Variants in SPC25 observed in about 807,000 individuals in gnomAD.
SPC25 encodes SPC25 component of NDC80 kinetochore complex, also known as kinetochore protein Spc25.
In SPC25, 22 loss-of-function variants were observed where a neutral mutation model predicts 29.6. The observed-to-expected ratio is 0.74, with a 90% CI of 0.53 to 1.06. SPC25 has a LOEUF of 1.06. SPC25 is among the 50% of genes least tolerant of loss of function. The probability of loss-of-function intolerance (pLI) is 0.00; values close to 1 mark genes in which losing one functional copy is unlikely to be tolerated. For missense variants in SPC25, 230 were observed against 255.8 expected (o/e 0.90, Z 0.69); for synonymous variants, 91 against 90.4 (o/e 1.01, Z -0.04).
chr2:168,872,766 A>G (rs1690017188), intron 6 of SPC25, among the ~76,000 whole-genome samples: 1 of 152,198 alleles, frequency 6.6e-6, no homozygotes, highest in Non-Finnish European at 1.5e-5. Flanking sequence ...GAAGATATTT[A>G]TCTAGAGAGA....
rs568929127 is a variant in SPC25, at chr2:168,877,179, A to C, written c.346+59T>G. On this transcript the variant is annotated intron_variant, in intron 4 of 6. Coordinates refer to ENST00000282074, the MANE Select transcript of SPC25 (RefSeq NM_020675.4). ...CTGGAACAGGCAAGATGTACTTAAT[A>C]AAGGTGAACCGTCACCACTTTCCAT... 1.1e-4 allele frequency: 181 copies of C among 1,576,086 alleles called. No individual in the cohort carries two copies. The African/African-American group carries it at 2.1e-3, about 18-fold the overall frequency.
intron 3 of SPC25, among the ~76,000 whole-genome samples, chr2:168,886,524 C>T (rs1690265449): frequency 1.4e-5 from 2 of 143,928 alleles, no homozygotes; most frequent in African/African-American, 2.5e-5. Context: ...AAACTGATTT[C>T]TTTTTTTTTT....
chr2:168,865,075 G>A (rs1689781365), intron 4 of SPC25: 2 of 1,260,030 alleles, frequency 1.6e-6, no homozygotes, highest in South Asian at 2.8e-5. Context: ...CTTTTGAAAT[G>A]GATGGAGTTC....
chr2:168,863,936 A>C (rs1439280635), intron 4 of SPC25, among the ~76,000 whole-genome samples: 1 of 151,806 alleles, frequency 6.6e-6, no homozygotes, highest in African/African-American at 2.4e-5. Flanking sequence ...TTTGAGGCAG[A>C]GTCTTGCTCT....
intron 4 of SPC25, among the ~76,000 whole-genome samples, chr2:168,862,718 C>G (rs983639751): frequency 6.6e-6 from 1 of 152,040 alleles, no homozygotes; most frequent in African/African-American, 2.4e-5. Flanking sequence ...ATAATGTAAA[C>G]CACAACATTA....
At chr2:168,863,693 T>A in intron 4 of SPC25, 1 of 972,328 alleles carries the variant, frequency 1.0e-6, no homozygotes, top group Non-Finnish European at 1.2e-6. Flanking sequence ...ACTTTTGGCC[T>A]GTGAAATCAG....
intron 6 of SPC25, among the ~76,000 whole-genome samples, chr2:168,872,714 T>C (rs1690016406): frequency 6.6e-6 from 1 of 151,998 alleles, no homozygotes; most frequent in African/African-American, 2.4e-5. Flanking sequence ...AAATAAGAGG[T>C]TTTTGGGGCT....
At chr2:168,862,542 GTGTA>G (rs1398298158) in intron 4 of SPC25, among the ~76,000 whole-genome samples, 4 of 127,258 alleles carry the variant, frequency 3.1e-5, no homozygotes, top group Non-Finnish European at 7.4e-5. Context: ...TCTCAACTTA[GTGTA>G]AGTAAGTGCA....
intron 1 of SPC25, 73 bp from the exon 2 acceptor site, chr2:168,889,606 C>T: frequency 6.8e-7 from 1 of 1,464,730 alleles, no homozygotes; most frequent in Non-Finnish European, 9.1e-7. Context: ...ATCGGGTATA[C>T]AGTATTTTGG....
chr2:168,876,543 T>A (rs1316040922), intron 4 of SPC25, among the ~76,000 whole-genome samples: 1 of 151,854 alleles, frequency 6.6e-6, no homozygotes, highest in Non-Finnish European at 1.5e-5. Flanking sequence ...TTCTCTTCCT[T>A]TAACATAACT....
intron 3 of SPC25, among the ~76,000 whole-genome samples, chr2:168,880,748 A>C (rs570905301): frequency 1.3e-5 from 2 of 152,220 alleles, no homozygotes; most frequent in South Asian, 4.1e-4. Context: ...AGGGTTATTA[A>C]TTGGCCTAAT....
At chr2:168,876,231 T>C in intron 4 of SPC25, 55 bp from the exon 5 acceptor site, 1 of 1,192,034 alleles carries the variant, frequency 8.4e-7, no homozygotes, top group East Asian at 3.0e-5. Flanking sequence ...AAATTAATGC[T>C]CACTGAGTTA....
rs1223945875 is a variant in SPC25 at position 168,872,837 on chromosome 2, G to A, written c.550+748C>T. Among the ~76,000 whole-genome samples the A allele has an allele frequency of 2.6e-5, 4 of 152,062 alleles. No individual in the cohort carries two copies. The East Asian group carries it at 7.7e-4, about 29-fold the overall frequency. On this transcript the variant is annotated intron_variant, in intron 6 of 6. Transcript: ENST00000282074. ...TCAAAATATAAATTCCCCAGAAATA[G>A]GAACTGAGTCACCAGGGCACAGCGC...
intron 4 of SPC25, among the ~76,000 whole-genome samples, chr2:168,876,830 G>A (rs1690095454): frequency 6.6e-6 from 1 of 152,014 alleles, no homozygotes. Flanking sequence ...GAATATGAAA[G>A]TTCTTTATAC....
At chr2:168,869,770 G>A (rs1689944254), downstream of SPC25, among the ~76,000 whole-genome samples, 1 of 152,180 alleles carries the variant, frequency 6.6e-6, no homozygotes, top group Admixed American at 6.5e-5. Context: ...TCATGAAAAT[G>A]GCCATGTTGC....
In SPC25 at chr2:168,871,520, C is replaced by A; in HGVS notation, c.586G>T (p.Glu196Ter). The A allele has an allele frequency of 2.5e-6, 4 of 1,604,284 alleles. No individual in the cohort carries two copies. Among genetic ancestry groups the A allele is most frequent in the Non-Finnish European group, 3.4e-6 (4 of 1,176,668 alleles). ...GTCTTCCTTACATTCTCTTGAAATT[C>A]TGCTAGGCCCTCAAGATGAGGGGCA... ...DSAPHLEGLA[E>*]FQENVRKTNN... Residue 196 changes from glutamate (E) to a stop codon, truncating the protein, a stop_gained, in exon 7 of 7, where the codon GAA (glutamate) becomes TAA (stop). Coordinates refer to ENST00000282074, the MANE Select transcript of SPC25 (RefSeq NM_020675.4). LOFTEE classifies it high-confidence loss of function.
Position 168,887,421 on chromosome 2 carries a change from C to CAAAAAAAAAAAAA in SPC25, c.199+1792_199+1804dup, listed in dbSNP as rs5836211. Among the ~76,000 whole-genome samples the CAAAAAAAAAAAAA allele has an allele frequency of 1.2e-4, 16 of 131,388 alleles. 1 individual carries two copies. Among genetic ancestry groups the CAAAAAAAAAAAAA allele is most frequent in the African/African-American group, 4.0e-4 (14 of 34,854 alleles). 86.2% of individuals were successfully genotyped at this position (131,388 alleles called of 152,430 possible). On this transcript the variant is annotated intron_variant, in intron 3 of 6. Coordinates refer to ENST00000282074, the MANE Select transcript of SPC25 (RefSeq NM_020675.4). Reference sequence around the variant, plus strand: ...TGGGCAACAGAGCGAGACTCCATCTCAAAAAAAAAAAAAGAAAGAAAGAAA... The same window carrying CAAAAAAAAAAAAA: ...TGGGCAACAGAGCGAGACTCCATCTCAAAAAAAAAAAAAAAAAAAAAAAAAAGAAAGAAAGAAA...
chr2:168,887,591 G>A (rs1313472892), intron 3 of SPC25, among the ~76,000 whole-genome samples: 5 of 152,146 alleles, frequency 3.3e-5, no homozygotes, highest in Non-Finnish European at 7.4e-5. Flanking sequence ...TATGCCCCAT[G>A]TAAGGACATT....
chr2:168,861,869 C>T, intron 4 of SPC25: 2 of 1,135,944 alleles, frequency 1.8e-6, no homozygotes, highest in Admixed American at 2.2e-5. Flanking sequence ...TATTGAAACT[C>T]TGCATCACAC....
Sources: allele counts gnomAD v4.1 joint callset (sites outside exome capture counted in the v4.1 genomes callset), GRCh38; gene constraint gnomAD v4.1.1; transcripts MANE v1.5; gene names NCBI Gene and HGNC (gene_info 2026-07-23, HGNC 2026-07-21).